FAM171A1: variants seen among roughly 807,000 people sequenced by gnomAD.
FAM171A1 encodes family with sequence similarity 171 member A1.
Under a neutral mutation model 74.9 loss-of-function variants are expected in FAM171A1, and 23 were observed. The observed-to-expected ratio is 0.31, with a 90% CI of 0.22 to 0.44. The LOEUF (loss-of-function observed/expected upper bound fraction) is 0.44, where lower values mean the gene tolerates loss of function less well. Among genes scored for constraint, FAM171A1 ranks in the 20% least tolerant of loss-of-function variants. FAM171A1 has a pLI of 1.00. For synonymous variants in FAM171A1, 527 were observed against 505.7 expected, an observed-to-expected ratio of 1.04 and a Z score of -0.57; for missense variants, 1,162 against 1,159.2, an observed-to-expected ratio of 1.00 and a Z score of -0.03.
intron 6 of FAM171A1, among the ~76,000 whole-genome samples, chr10:15,219,375 C>G (rs1266344459): frequency 6.6e-6 from 1 of 152,176 alleles, no homozygotes; most frequent in African/African-American, 2.4e-5. Flanking sequence ...AAACTAATAG[C>G]TGAGATTGAA....
chr10:15,368,473 A>G (rs1836093028), intron 1 of FAM171A1, among the ~76,000 whole-genome samples: 2 of 152,228 alleles, frequency 1.3e-5, no homozygotes, highest in African/African-American at 4.8e-5. Flanking sequence ...CATAATATGT[A>G]TGTGCAATGC....
chr10:15,294,506 A>T (rs1835138143), intron 1 of FAM171A1, among the ~76,000 whole-genome samples: 1 of 152,216 alleles, frequency 6.6e-6, no homozygotes, highest in Non-Finnish European at 1.5e-5. Context: ...TGCAGAGCCA[A>T]GGAGGAAGAA....
At chr10:15,344,450 G>A (rs1379679252) in intron 1 of FAM171A1, among the ~76,000 whole-genome samples, 2 of 152,146 alleles carry the variant, frequency 1.3e-5, no homozygotes, top group Non-Finnish European at 2.9e-5. Context: ...TTGGGAGGAC[G>A]AGGTGGGAGG....
chr10:15,257,796 T>C (rs115027005), intron 3 of FAM171A1, among the ~76,000 whole-genome samples: 2,156 of 152,282 alleles, frequency 0.014, 44 homozygotes, highest in African/African-American at 0.049. Context: ...GGGTGCAAGC[T>C]ATTCTGAGCC....
intron 1 of FAM171A1, among the ~76,000 whole-genome samples, chr10:15,302,362 T>C (rs1197449294): frequency 6.6e-6 from 1 of 152,028 alleles, no homozygotes; most frequent in Non-Finnish European, 1.5e-5. Context: ...CTACTTGGGA[T>C]GCTGAGGCAG....
intron 5 of FAM171A1, among the ~76,000 whole-genome samples, chr10:15,221,651 A>G (rs1834040909): frequency 6.6e-6 from 1 of 152,248 alleles, no homozygotes; most frequent in Non-Finnish European, 1.5e-5. Flanking sequence ...TGTATCTTCC[A>G]GTTATTACTT....
rs772500682 is a variant in FAM171A1 at position 15,213,026 on chromosome 10, T to C, written c.2562A>G (p.Arg854=). The C allele has an allele frequency of 1.9e-6, 3 of 1,614,032 alleles. No individual in the cohort carries two copies. In the South Asian group the frequency reaches 3.3e-5, roughly 18 times the overall value. ...CGTCTTCCTCTTCCTCGTGGGCAGATCTTCTCTGGTGGGGGCTGGCTGCTG... is the reference window on the plus strand; with the variant it reads ...CGTCTTCCTCTTCCTCGTGGGCAGACCTTCTCTGGTGGGGGCTGGCTGCTG... The part of the protein sequence containing the change: ...SEPAASPHQR[R]SAHEEEEDDD... The change falls in exon 8 of 8, where the codon AGA becomes AGG. Residue 854 remains arginine (R), a synonymous_variant. Coordinates refer to ENST00000378116, the MANE Select transcript of FAM171A1 (RefSeq NM_001010924.2). The surrounding 1 kb of genome is among the most constrained non-coding windows in gnomAD (Gnocchi z 6.8).
intron 3 of FAM171A1, among the ~76,000 whole-genome samples, chr10:15,262,835 G>T (rs1834676368): frequency 6.6e-6 from 1 of 152,172 alleles, no homozygotes; most frequent in African/African-American, 2.4e-5. Context: ...ATGTGAAGGG[G>T]TTCATGGTGG....
At chr10:15,260,360 G>A (rs1203047484) in intron 3 of FAM171A1, among the ~76,000 whole-genome samples, 1 of 152,082 alleles carries the variant, frequency 6.6e-6, no homozygotes, top group Non-Finnish European at 1.5e-5. Flanking sequence ...GAACATGGGT[G>A]GTGGAATCAC....
Position 15,316,577 on chromosome 10 carries a change from C to T in FAM171A1, c.98-32472G>A, listed in dbSNP as rs1463669786. On this transcript the variant is annotated intron_variant, in intron 1 of 7. Coordinates refer to ENST00000378116, the MANE Select transcript of FAM171A1 (RefSeq NM_001010924.2). ...TAGTGATGATAGAATGGACAGGACA[C>T]CTCCAACCAATAACTTTTGTGCTTG... 2.6e-5 allele frequency among the ~76,000 whole-genome samples: 4 copies of T among 152,302 alleles called. No homozygotes were observed. In the East Asian group the frequency reaches 7.7e-4, roughly 29 times the overall value.
chr10:15,285,763 G>A (rs1032028687), intron 1 of FAM171A1, among the ~76,000 whole-genome samples: 3 of 152,220 alleles, frequency 2.0e-5, no homozygotes, highest in African/African-American at 7.2e-5. Context: ...AAAGCGAGGA[G>A]GTGGCCAAGG....
intron 1 of FAM171A1, among the ~76,000 whole-genome samples, chr10:15,291,864 C>T (rs1471885133): frequency 6.6e-6 from 1 of 152,190 alleles, no homozygotes; most frequent in Non-Finnish European, 1.5e-5. Flanking sequence ...CCCACACCTC[C>T]CTGTCTTTGT....
chr10:15,324,563 G>A (rs949816634), intron 1 of FAM171A1, among the ~76,000 whole-genome samples: 1 of 152,110 alleles, frequency 6.6e-6, no homozygotes, highest in Non-Finnish European at 1.5e-5. Flanking sequence ...AGCCCCGTGC[G>A]CTAGCTGGCC....
chr10:15,315,794 C>T (rs1005098625), intron 1 of FAM171A1, among the ~76,000 whole-genome samples: 2 of 152,202 alleles, frequency 1.3e-5, no homozygotes, highest in African/African-American at 4.8e-5. Context: ...TTATTGGAGA[C>T]AAGGAGCGGC....
chr10:15,287,337 C>T (rs1183654501), intron 1 of FAM171A1, among the ~76,000 whole-genome samples: 1 of 151,558 alleles, frequency 6.6e-6, no homozygotes, highest in Non-Finnish European at 1.5e-5. Flanking sequence ...CGTGATCTGC[C>T]CACCTCAGCC....
chr10:15,344,681 A>C (rs1564286174), intron 1 of FAM171A1, among the ~76,000 whole-genome samples: 1 of 152,224 alleles, frequency 6.6e-6, no homozygotes, highest in Non-Finnish European at 1.5e-5. Context: ...ATGCAAATAC[A>C]ATTGGTGTCC....
intron 1 of FAM171A1, among the ~76,000 whole-genome samples, chr10:15,301,400 A>G (rs1835227828): frequency 6.7e-6 from 1 of 149,132 alleles, no homozygotes. Flanking sequence ...ACAGAGTTTC[A>G]CCACGTTGGC....
intron 2 of FAM171A1, among the ~76,000 whole-genome samples, chr10:15,278,513 C>T (rs755636426): frequency 1.1e-4 from 16 of 152,094 alleles, no homozygotes; most frequent in South Asian, 2.1e-4. Context: ...AAATGTCTAT[C>T]GGCTGATGAA....
Position 15,355,098 on chromosome 10 carries a change from T to A in FAM171A1, c.97+15858A>T, listed in dbSNP as rs372423553. On this transcript the variant is annotated intron_variant, in intron 1 of 7. Coordinates refer to ENST00000378116, the MANE Select transcript of FAM171A1 (RefSeq NM_001010924.2). The stretch of plus-strand genomic sequence containing the variant: ...GATTAAGATATGCTAGTTTTGTTTG[T>A]TTGTTTGCAACAGGGTCTTGCTCTG... Among the ~76,000 whole-genome samples the A allele has an allele frequency of 3.3e-5, 5 of 152,346 alleles. No homozygotes were observed. In the East Asian group the frequency reaches 9.7e-4, roughly 29 times the overall value.
Sources: gnomAD v4.1 joint callset for allele counts (sites outside exome capture counted in the v4.1 genomes callset) on GRCh38, gnomAD v4.1.1 for gene constraint, Gnocchi (gnomAD v3.1) non-coding constraint, MANE v1.5 for transcripts, NCBI Gene and HGNC (gene_info 2026-07-23, HGNC 2026-07-21) for gene names.